The following HNRNPLL variants were observed in gnomAD, a reference collection of about 807,000 sequenced individuals.
The protein encoded by HNRNPLL is heterogeneous nuclear ribonucleoprotein L like.
A neutral mutation model predicts 67.1 loss-of-function variants in HNRNPLL; 25 were observed. The observed-to-expected ratio is 0.37, with a 90% confidence interval of 0.27 to 0.52. The LOEUF is 0.52. Among genes scored for constraint, HNRNPLL ranks in the 20% least tolerant of loss-of-function variants. HNRNPLL has a pLI of 0.90. For synonymous variants in HNRNPLL, 267 were observed against 241.7 expected (o/e 1.10, Z -0.97); for missense variants, 542 against 673.9 (o/e 0.80, Z 2.17).
rs1665722086 is a variant in HNRNPLL, at chr2:38,563,082, T to G, written c.*1100A>C. On this transcript the variant is annotated 3_prime_UTR_variant, in exon 13 of 13. Coordinates refer to ENST00000449105, the MANE Select transcript of HNRNPLL (RefSeq NM_138394.4). ...TTTCTATTGTAAAAAAGCTGTGAAC[T>G]TGGTAACAATCGTGCTATAGTCTCT... 6.6e-6 allele frequency: 1 copy of G among 152,004 alleles called. No individual in the cohort carries two copies. Among genetic ancestry groups the G allele is most frequent in the African/African-American group, 2.4e-5 (1 of 41,428 alleles). The allele number at this position is 152,004 out of a possible 1,614,324, so 9.4% of individuals were successfully genotyped here. A position where few individuals can be genotyped will look rare whatever the true frequency, so the allele number is the denominator to read the frequency against.
At chr2:38,582,921 C>T (rs1415167107) in intron 4 of HNRNPLL, among the ~76,000 whole-genome samples, 5 of 151,454 alleles carry the variant, frequency 3.3e-5, no homozygotes, top group Non-Finnish European at 7.4e-5. Flanking sequence ...ATAATACAAC[C>T]GAACTATCTA....
Position 38,583,874 on chromosome 2 carries a change from A to T in HNRNPLL, c.599T>A (p.Ile200Lys). The T allele has an allele frequency of 6.4e-7, 1 of 1,569,666 alleles. No individual in the cohort carries two copies. Among genetic ancestry groups the T allele is most frequent in the Non-Finnish European group, 8.7e-7 (1 of 1,146,754 alleles). The change falls in exon 4 of 13, where the codon ATA becomes AAA. Residue 200 changes from isoleucine (I) to lysine (K), a missense_variant. Around this residue, in one of 2 missense-constraint regions of HNRNPLL, gnomAD observed 415 missense variants for 575.2 expected, o/e 0.72. Coordinates refer to ENST00000449105, the MANE Select transcript of HNRNPLL (RefSeq NM_138394.4). ...TGCTTGTATCCCATTTCTCTTGAAT[A>T]TAACAATACGTTGCACTTTGCCAAC... ...NPVGKVQRIV[I>K]FKRNGIQAMV...
At position 38,602,778 on chromosome 2, in the gene HNRNPLL, A is replaced by C. The variant is rs1303190375; in HGVS notation, c.-152T>G. 4.6e-6 allele frequency: 7 copies of C among 1,528,492 alleles called. No homozygotes were observed. Among genetic ancestry groups the C allele is most frequent in the Non-Finnish European group, 6.2e-6 (7 of 1,137,488 alleles). The allele number at this position is 1,528,492 out of a possible 1,614,324, so 94.7% of individuals were successfully genotyped here. Reference sequence around the variant, plus strand: ...TCCGCGGGGACTGCGCGGCCAGGAGACTGGCGGCTGAGAAGCGCGGACGGA... The same window carrying C: ...TCCGCGGGGACTGCGCGGCCAGGAGCCTGGCGGCTGAGAAGCGCGGACGGA... On this transcript the variant is annotated 5_prime_UTR_variant, in exon 1 of 13. Coordinates refer to ENST00000449105, the MANE Select transcript of HNRNPLL (RefSeq NM_138394.4).
At chr2:38,591,505 T>G (rs1162051435) in intron 2 of HNRNPLL, 25 bp downstream of exon 2, 4 of 1,149,460 alleles carry the variant, frequency 3.5e-6, no homozygotes, top group Non-Finnish European at 5.3e-6. Context: ...GTTTTCAATC[T>G]ACATGAAGTC....
intron 8 of HNRNPLL, 25 bp from the exon 9 acceptor site, chr2:38,569,950 G>T (rs759354545): frequency 3.2e-6 from 5 of 1,546,178 alleles, no homozygotes. Flanking sequence ...TTCCAAAAAG[G>T]TGACCATTTA....
At chr2:38,587,784 C>G (rs1021985305) in intron 2 of HNRNPLL, among the ~76,000 whole-genome samples, 2 of 152,132 alleles carry the variant, frequency 1.3e-5, no homozygotes, top group African/African-American at 4.8e-5. Flanking sequence ...TGTCCCCATC[C>G]AAACCTCGTA....
Position 38,602,499 on chromosome 2 carries a change from C to G in HNRNPLL, c.128G>C (p.Arg43Pro). The G allele has an allele frequency of 2.1e-5, 32 of 1,547,782 alleles. No individual in the cohort carries two copies. The highest frequency in any genetic ancestry group is 2.8e-5 in the Non-Finnish European group (32 of 1,148,208). The change falls in exon 1 of 13, where the codon CGG becomes CCG. Residue 43 changes from arginine (R) to proline (P), a missense_variant. Physicochemically the swap from Arg to Pro is moderately radical, Grantham distance 103. Coordinates refer to ENST00000449105, the MANE Select transcript of HNRNPLL (RefSeq NM_138394.4). ...DYSAEEGENR[R>P]EATPRGGGDG... ...GCCCCCGCCCCGGGGCGTCGCTTCC[C>G]GGCGGTTCTCGCCTTCCTCGGCCGA...
chr2:38,577,754 T>C (rs1034529187), intron 6 of HNRNPLL, among the ~76,000 whole-genome samples: 1 of 152,114 alleles, frequency 6.6e-6, no homozygotes, highest in African/African-American at 2.4e-5. Flanking sequence ...TGAATATATC[T>C]TTTTGGCAAA....
chr2:38,582,149 C>A lies in HNRNPLL; in HGVS notation c.652G>T (p.Ala218Ser). The A allele has an allele frequency of 1.9e-6, 3 of 1,613,640 alleles. No homozygotes were observed. Among genetic ancestry groups the A allele is most frequent in the South Asian group, 1.1e-5 (1 of 91,058 alleles). ...TTGAGTGCTGCTTTAGCTTTCTGGG[C>A]ACAAAGGACTGATTCAAACATAAGC... ...AMVEFESVLC[A>S]QKAKAALNGA... Residue 218 changes from alanine to serine, a missense_variant, in exon 5 of 13, where the codon GCC becomes TCC. By Grantham distance (99) the Ala-to-Ser change is moderately conservative (BLOSUM62 1). Coordinates refer to ENST00000449105, the MANE Select transcript of HNRNPLL (RefSeq NM_138394.4).
chr2:38,588,546 C>CAAAAAAAAAAAAAAAAAAAAAA (rs70954733), intron 2 of HNRNPLL, among the ~76,000 whole-genome samples: 3 of 51,012 alleles, frequency 5.9e-5, no homozygotes, highest in African/African-American at 1.6e-4. Flanking sequence ...AACTCCATCT[C>CAAAAAAAAAAAAAAAAAAAAAA]AAAAAAAAAA....
At chr2:38,567,993 T>C (rs1311138816) in intron 12 of HNRNPLL, 2 of 466,070 alleles carry the variant, frequency 4.3e-6, no homozygotes, top group African/African-American at 2.0e-5. Context: ...AGATAATAAA[T>C]GTTTGCTGTT....
Position 38,574,166 on chromosome 2 carries a change from A to G in HNRNPLL, c.875-739T>C, listed in dbSNP as rs551655896. Among the ~76,000 whole-genome samples the G allele has an allele frequency of 5.4e-3, 824 of 152,080 alleles. 10 individuals are homozygous for G. The highest frequency in any genetic ancestry group is 0.019 in the African/African-American group (777 of 41,548). On this transcript the variant is annotated intron_variant, in intron 7 of 12. Coordinates refer to ENST00000449105, the MANE Select transcript of HNRNPLL (RefSeq NM_138394.4). ...AGAATCAACTTGCTAACTTTAGAGTAGCTTTAAACAACTTTATCTGTTTTT... is the reference window on the plus strand; with the variant it reads ...AGAATCAACTTGCTAACTTTAGAGTGGCTTTAAACAACTTTATCTGTTTTT...
intron 4 of HNRNPLL, among the ~76,000 whole-genome samples, chr2:38,583,279 G>A (rs1270458117): frequency 2.6e-5 from 4 of 152,098 alleles, no homozygotes; most frequent in Admixed American, 6.6e-5. Context: ...CTATTAAAGC[G>A]TTTGCTGTAT....
At chr2:38,589,624 A>G (rs977932555) in intron 2 of HNRNPLL, among the ~76,000 whole-genome samples, 1 of 152,232 alleles carries the variant, frequency 6.6e-6, no homozygotes, top group African/African-American at 2.4e-5. Flanking sequence ...CATACGGTAG[A>G]CTTTACCAGA....
At chr2:38,585,537 A>C (rs1666690230) in intron 3 of HNRNPLL, 107 bp downstream of exon 3, 1 of 664,754 alleles carries the variant, frequency 1.5e-6, no homozygotes, top group Admixed American at 2.8e-5. Flanking sequence ...AAATTAAAAA[A>C]ACTATTTTCT....
At chr2:38,592,909 C>T (rs1219985432) in intron 1 of HNRNPLL, among the ~76,000 whole-genome samples, 1 of 152,106 alleles carries the variant, frequency 6.6e-6, no homozygotes, top group Middle Eastern at 3.2e-3. Context: ...AATTAAATTT[C>T]TTTAAGGCTA....
At chr2:38,585,055 G>A (rs1282413636) in intron 3 of HNRNPLL, among the ~76,000 whole-genome samples, 4 of 152,106 alleles carry the variant, frequency 2.6e-5, no homozygotes, top group Non-Finnish European at 5.9e-5. Flanking sequence ...CCCTTACTGT[G>A]ATGTTCCTCT....
intron 1 of HNRNPLL, 152 bp downstream of exon 1, chr2:38,602,286 G>C (rs1188560456): frequency 2.8e-6 from 2 of 706,614 alleles, no homozygotes; most frequent in Non-Finnish European, 4.5e-6. Context: ...GTAGAGGCCA[G>C]AATACGAGCC....
chr2:38,573,455 T>C (rs760051282), intron 7 of HNRNPLL, 28 bp from the exon 8 acceptor site: 1 of 1,411,610 alleles, frequency 7.1e-7, no homozygotes, highest in South Asian at 1.2e-5. Context: ...ATAAATAAAT[T>C]AGTTAACATA....
Sources: allele counts gnomAD v4.1 joint callset (sites outside exome capture counted in the v4.1 genomes callset), GRCh38; gene constraint gnomAD v4.1.1; regional missense constraint gnomAD v4.1.1; transcripts MANE v1.5; gene names NCBI Gene and HGNC (gene_info 2026-07-23, HGNC 2026-07-21).